Variants in NDST3 observed in about 807,000 individuals in gnomAD.
NDST3 encodes N-deacetylase and N-sulfotransferase 3.
NDST3 carries 58 observed loss-of-function variants against 96.1 expected under a neutral mutation model. That is an observed-to-expected ratio of 0.60 (90% CI 0.49 to 0.75). NDST3 has a LOEUF of 0.75. Ranked by LOEUF, NDST3 falls within the 30% of genes least tolerant of loss-of-function variation. The pLI is 0.00. For synonymous variants in NDST3, 333 were observed against 359.7 expected, an observed-to-expected ratio of 0.93 and a Z score of 0.84; for missense variants, 788 against 1,034.2, an observed-to-expected ratio of 0.76 and a Z score of 3.27.
intron 2 of NDST3, among the ~76,000 whole-genome samples, chr4:118,072,539 T>C (rs1727169626): frequency 6.6e-6 from 1 of 152,128 alleles, no homozygotes; most frequent in African/African-American, 2.4e-5. Flanking sequence ...TTGATGTTGT[T>C]GGTGTACAGA....
At chr4:118,107,669 C>A (rs1730308937) in intron 3 of NDST3, among the ~76,000 whole-genome samples, 1 of 152,092 alleles carries the variant, frequency 6.6e-6, no homozygotes, top group South Asian at 2.1e-4. Context: ...ATGTATAGAA[C>A]TCTTGTAGCT....
At chr4:118,189,368 T>TA (rs1373202187) in intron 6 of NDST3, among the ~76,000 whole-genome samples, 3 of 152,204 alleles carry the variant, frequency 2.0e-5, no homozygotes, top group African/African-American at 7.2e-5. Context: ...TGAAGAAAGT[T>TA]AAACATTTCT....
intron 6 of NDST3, among the ~76,000 whole-genome samples, chr4:118,147,924 T>C (rs1734070404): frequency 6.6e-6 from 1 of 152,212 alleles, no homozygotes; most frequent in African/African-American, 2.4e-5. Flanking sequence ...TATAGAACAC[T>C]TTGCCTCCCT....
rs780124841 is a variant in NDST3, at chr4:118,253,629, TA to T, written c.2502+31del. 4.2e-6 allele frequency: 6 copies of T among 1,429,986 alleles called. No individual in the cohort carries two copies. The South Asian group carries it at 5.0e-5, about 12-fold the overall frequency. The allele number at this position is 1,429,986 out of a possible 1,614,324, so 88.6% of individuals were successfully genotyped here. ...AAGCATAGACCTTAAAAATACAAACTAAATCAGCAAAATGGTAACCAATAAT... is the reference window on the plus strand; with the variant it reads ...AAGCATAGACCTTAAAAATACAAACTAATCAGCAAAATGGTAACCAATAAT... On this transcript the variant is annotated intron_variant, in intron 13 of 13. Transcript: ENST00000296499.
chr4:118,138,145 A>G lies in NDST3; in HGVS notation c.1316A>G (p.Lys439Arg), dbSNP rs765511416. ...CATGTTCAGCTTTATGAGGCCTGGA[A>G]GAAGGTCTGGAATATTAAAATCACC... ...PVHVQLYEAW[K>R]KVWNIKITST... The change falls in exon 5 of 14, where the codon AAG becomes AGG. Residue 439 changes from lysine to arginine, a missense_variant. Physicochemically the swap from Lys to Arg is conservative, Grantham distance 26. Coordinates refer to ENST00000296499, the MANE Select transcript of NDST3 (RefSeq NM_004784.3). The G allele has an allele frequency of 3.7e-6, 6 of 1,613,934 alleles. No homozygotes were observed. The South Asian group carries it at 6.6e-5, about 18-fold the overall frequency.
chr4:118,130,014 T>C (rs1197310997), intron 4 of NDST3, among the ~76,000 whole-genome samples: 1 of 152,066 alleles, frequency 6.6e-6, no homozygotes, highest in Admixed American at 6.5e-5. Flanking sequence ...CTCCTGTTCA[T>C]TTTTTGTTTC....
chr4:118,209,268 T>C (rs1210611056), intron 6 of NDST3, among the ~76,000 whole-genome samples: 1 of 152,194 alleles, frequency 6.6e-6, no homozygotes, highest in Non-Finnish European at 1.5e-5. Flanking sequence ...ATTAATCATT[T>C]TTAAATCTAT....
chr4:118,048,215 A>T (rs998483026), intron 1 of NDST3, among the ~76,000 whole-genome samples: 24 of 152,174 alleles, frequency 1.6e-4, no homozygotes, highest in African/African-American at 5.5e-4. Flanking sequence ...GCCTTAGAAG[A>T]GGTTCTTAGG....
At chr4:118,083,225 A>T (rs1728159108) in intron 2 of NDST3, among the ~76,000 whole-genome samples, 1 of 152,228 alleles carries the variant, frequency 6.6e-6, no homozygotes, top group African/African-American at 2.4e-5. Context: ...ATATGGACTT[A>T]GTAACTTGAA....
intron 5 of NDST3, among the ~76,000 whole-genome samples, chr4:118,142,294 G>A (rs1345439858): frequency 6.6e-6 from 1 of 151,662 alleles, no homozygotes; most frequent in African/African-American, 2.4e-5. Context: ...AAAATAAATA[G>A]GATATATAGA....
chr4:118,049,755 C>CA (rs1724971073), intron 1 of NDST3, among the ~76,000 whole-genome samples: 1 of 150,184 alleles, frequency 6.7e-6, no homozygotes, highest in Non-Finnish European at 1.5e-5. Context: ...CCCTACCCAC[C>CA]AAAAAAAGCA....
At chr4:118,112,983 T>C (rs568811125) in intron 3 of NDST3, among the ~76,000 whole-genome samples, 1 of 152,080 alleles carries the variant, frequency 6.6e-6, no homozygotes, top group East Asian at 1.9e-4. Flanking sequence ...TCCTTTCATG[T>C]AGTATTATAA....
intron 6 of NDST3, among the ~76,000 whole-genome samples, chr4:118,145,220 T>G (rs962044287): frequency 3.9e-5 from 6 of 152,198 alleles, no homozygotes; most frequent in African/African-American, 1.2e-4. Context: ...TCAAAAAGAG[T>G]TAAACCAATG....
At chr4:118,167,790 A>C (rs1735659971) in intron 6 of NDST3, among the ~76,000 whole-genome samples, 1 of 152,062 alleles carries the variant, frequency 6.6e-6, no homozygotes, top group African/African-American at 2.4e-5. Flanking sequence ...TGACAAGGGC[A>C]TCAAGAATAC....
chr4:118,154,288 T>C (rs2125918500), intron 6 of NDST3, among the ~76,000 whole-genome samples: 1 of 152,328 alleles, frequency 6.6e-6, no homozygotes, highest in African/African-American at 2.4e-5. Context: ...TGTGTGCATC[T>C]TTTCTACTGT....
chr4:118,234,571 G>A (rs546133960), intron 9 of NDST3, among the ~76,000 whole-genome samples: 5 of 152,146 alleles, frequency 3.3e-5, no homozygotes, highest in Non-Finnish European at 5.9e-5. Flanking sequence ...GAATGTATTA[G>A]TATTACATTC....
intron 6 of NDST3, among the ~76,000 whole-genome samples, chr4:118,170,628 C>G (rs1425861152): frequency 5.3e-5 from 8 of 152,136 alleles, no homozygotes; most frequent in Non-Finnish European, 8.8e-5. Flanking sequence ...ACTTGGGAGG[C>G]TGAGGCAGAA....
intron 2 of NDST3, among the ~76,000 whole-genome samples, chr4:118,084,342 C>T (rs1030588498): frequency 1.3e-5 from 2 of 152,230 alleles, no homozygotes; most frequent in African/African-American, 2.4e-5. Context: ...CTTAATTATA[C>T]ATGATAAAAT....
chr4:118,070,966 A>G (rs536912738), intron 2 of NDST3, among the ~76,000 whole-genome samples: 33 of 152,142 alleles, frequency 2.2e-4, no homozygotes, highest in African/African-American at 7.0e-4. Context: ...GTCCCTACAA[A>G]GGACATGAAC....
Sources: gnomAD v4.1 joint callset for allele counts (sites outside exome capture counted in the v4.1 genomes callset) on GRCh38, gnomAD v4.1.1 for gene constraint, MANE v1.5 for transcripts, NCBI Gene and HGNC (gene_info 2026-07-23, HGNC 2026-07-21) for gene names.